Variants in CDH13 observed in about 807,000 individuals in gnomAD.
CDH13 encodes the protein cadherin 13, also known as cadherin-13.
Under a neutral mutation model 63.8 loss-of-function variants are expected in CDH13, and 24 were observed. The observed-to-expected ratio is 0.38, with a 90% CI of 0.27 to 0.53. The LOEUF (loss-of-function observed/expected upper bound fraction) is 0.53. CDH13 is among the 20% of genes least tolerant of loss of function. The probability of loss-of-function intolerance (pLI) is 0.85; values close to 1 mark genes in which losing one functional copy is unlikely to be tolerated. For synonymous variants in CDH13, 503 were observed against 355.3 expected, an observed-to-expected ratio of 1.42 and a Z score of -4.67; for missense variants, 1,049 against 903.1, an observed-to-expected ratio of 1.16 and a Z score of -2.07.
intron 5 of CDH13, among the ~76,000 whole-genome samples, chr16:83,304,584 T>C (rs1236021793): frequency 1.3e-5 from 2 of 152,158 alleles, no homozygotes; most frequent in East Asian, 1.9e-4. Flanking sequence ...TCGATACATA[T>C]GGGATCTTGG....
intron 3 of CDH13, among the ~76,000 whole-genome samples, chr16:83,049,854 TG>T (rs1428599154): frequency 1.3e-5 from 2 of 152,192 alleles, no homozygotes; most frequent in African/African-American, 4.8e-5. Flanking sequence ...GTAAATACAG[TG>T]ACAATAATGC....
intron 1 of CDH13, among the ~76,000 whole-genome samples, chr16:82,714,672 C>T (rs1187889513): frequency 7.9e-6 from 1 of 127,282 alleles, no homozygotes; most frequent in South Asian, 2.8e-4. Context: ...CGAGATCAAT[C>T]CACTGCACTC....
At chr16:83,262,148 C>T (rs1481642756) in intron 5 of CDH13, among the ~76,000 whole-genome samples, 2 of 152,192 alleles carry the variant, frequency 1.3e-5, no homozygotes, top group Admixed American at 1.3e-4. Context: ...TTTTAATATT[C>T]AGTCATATAA....
chr16:83,494,243 T>G (rs2074084616), intron 7 of CDH13, among the ~76,000 whole-genome samples: 1 of 152,202 alleles, frequency 6.6e-6, no homozygotes, highest in Non-Finnish European at 1.5e-5. Context: ...TTTTATTTTA[T>G]ATGAAGTACC....
chr16:83,165,750 A>G lies in CDH13; in HGVS notation c.483+40249A>G, dbSNP rs555009070. Among the ~76,000 whole-genome samples, 5 of 152,296 alleles carry G rather than the reference A, an allele frequency of 3.3e-5. No individual in the cohort carries two copies. In the East Asian group the frequency reaches 9.6e-4, roughly 29 times the overall value. On this transcript the variant is annotated intron_variant, in intron 4 of 13. Transcript: ENST00000567109. ...TACACATGGGTGCCGGTTTGACCTC[A>G]AAATAGAAATTAGAGACCTAGAATT... is the stretch of plus-strand genomic sequence containing the variant.
chr16:82,854,978 G>A (rs1567603331), intron 1 of CDH13, among the ~76,000 whole-genome samples: 1 of 84,662 alleles, frequency 1.2e-5, no homozygotes, highest in Non-Finnish European at 3.4e-5. Flanking sequence ...TGTGAATGAG[G>A]AGTGAGTGAA....
intron 4 of CDH13, among the ~76,000 whole-genome samples, chr16:83,133,503 G>A (rs931394049): frequency 9.9e-5 from 15 of 151,990 alleles, no homozygotes; most frequent in African/African-American, 1.7e-4. Flanking sequence ...TCTCCTCAGT[G>A]GAATTATGTT....
chr16:82,733,246 T>G (rs920163948), intron 1 of CDH13, among the ~76,000 whole-genome samples: 1 of 152,174 alleles, frequency 6.6e-6, no homozygotes, highest in Non-Finnish European at 1.5e-5. Context: ...TCCTCCCCAT[T>G]GCATTGTCGA....
chr16:83,333,012 C>G (rs934733689), intron 5 of CDH13, among the ~76,000 whole-genome samples: 3 of 152,100 alleles, frequency 2.0e-5, no homozygotes, highest in African/African-American at 7.2e-5. Flanking sequence ...GTATCAAGAT[C>G]TTTAATTAAT....
intron 1 of CDH13, among the ~76,000 whole-genome samples, chr16:82,851,847 T>C (rs536091587): frequency 5.9e-5 from 9 of 152,198 alleles, no homozygotes; most frequent in Non-Finnish European, 1.3e-4. Context: ...TTTTACATCC[T>C]GCAAGTCAGA....
At chr16:83,003,604 CACAT>C (rs1913171283) in intron 2 of CDH13, among the ~76,000 whole-genome samples, 1 of 152,210 alleles carries the variant, frequency 6.6e-6, no homozygotes, top group Admixed American at 6.5e-5. Flanking sequence ...TTGAATATAT[CACAT>C]TGGTCAGTGC....
intron 11 of CDH13, among the ~76,000 whole-genome samples, chr16:83,759,326 G>T (rs1053826535): frequency 3.3e-5 from 5 of 152,136 alleles, no homozygotes; most frequent in African/African-American, 1.2e-4. Context: ...ATAAGGCCAA[G>T]TTGATTGAAT....
chr16:83,013,954 A>G (rs1914417089), intron 2 of CDH13, among the ~76,000 whole-genome samples: 1 of 152,194 alleles, frequency 6.6e-6, no homozygotes, highest in African/African-American at 2.4e-5. Context: ...CATCAGCCTC[A>G]TCTGTATAAG....
intron 6 of CDH13, among the ~76,000 whole-genome samples, chr16:83,462,362 C>G (rs998252349): frequency 4.6e-5 from 7 of 152,238 alleles, no homozygotes; most frequent in African/African-American, 1.7e-4. Flanking sequence ...GTTATATAGT[C>G]TCAAGTGCTT....
chr16:83,480,484 A>T (rs1004075080), intron 6 of CDH13, among the ~76,000 whole-genome samples: 1 of 152,158 alleles, frequency 6.6e-6, no homozygotes, highest in African/African-American at 2.4e-5. Flanking sequence ...TTAGGAGAGA[A>T]CTGGCTCATG....
intron 2 of CDH13, among the ~76,000 whole-genome samples, chr16:83,028,575 T>A (rs955284899): frequency 2.0e-5 from 3 of 152,186 alleles, no homozygotes; most frequent in Non-Finnish European, 2.9e-5. Flanking sequence ...CGTAGATACC[T>A]CAGTCCGTGG....
intron 2 of CDH13, among the ~76,000 whole-genome samples, chr16:82,985,561 A>G (rs1270189276): frequency 6.6e-6 from 1 of 152,162 alleles, no homozygotes; most frequent in Non-Finnish European, 1.5e-5. Context: ...GCGTGGTTTT[A>G]GAGATCATCA....
At chr16:82,686,708 G>A (rs16958271) in intron 1 of CDH13, among the ~76,000 whole-genome samples, 4 of 152,076 alleles carry the variant, frequency 2.6e-5, no homozygotes, top group South Asian at 2.1e-4. Flanking sequence ...TCTTCCTTCC[G>A]TTGACAACCC....
chr16:83,689,789 G>T (rs1904663217), intron 10 of CDH13, among the ~76,000 whole-genome samples: 1 of 152,148 alleles, frequency 6.6e-6, no homozygotes, highest in African/African-American at 2.4e-5. Flanking sequence ...TTGGATTAGG[G>T]CTATGACCGG....
Sources: gnomAD v4.1 joint callset for allele counts (sites outside exome capture counted in the v4.1 genomes callset) on GRCh38, gnomAD v4.1.1 for gene constraint, MANE v1.5 for transcripts, NCBI Gene and HGNC (gene_info 2026-07-23, HGNC 2026-07-21) for gene names.